The following ASCC1 variants were observed in gnomAD, a reference collection of about 807,000 sequenced individuals.
The protein encoded by ASCC1 is ASC-1 complex subunit P50.
A neutral mutation model predicts 46.6 loss-of-function variants in ASCC1; 35 were observed. The ratio of observed to expected loss-of-function variants is 0.75; its 90% CI spans 0.57 to 0.99. The LOEUF is 0.99. ASCC1 is among the 50% of genes least tolerant of loss of function. The probability of loss-of-function intolerance (pLI) is 0.00; values close to 1 mark genes in which losing one functional copy is unlikely to be tolerated. For synonymous variants in ASCC1, 143 were observed against 146.6 expected (o/e 0.98, Z 0.18); for missense variants, 376 against 428.7 (o/e 0.88, Z 1.09).
chr10:72,113,144 G>C lies in ASCC1; in HGVS notation c.957+14938C>G, dbSNP rs564268494. On this transcript the variant is annotated intron_variant, in intron 9 of 9. Transcript: ENST00000672957. ...GTAGCTTAGTGTTTTATATTTAGTA[G>C]GTATTCAATAAACATTACCAAATAT... 3.9e-5 allele frequency among the ~76,000 whole-genome samples: 6 copies of C among 152,188 alleles called. No individual in the cohort carries two copies. The East Asian group carries it at 7.7e-4, about 20-fold the overall frequency.
intron 9 of ASCC1, among the ~76,000 whole-genome samples, chr10:72,117,351 G>C (rs1037746811): frequency 1.5e-4 from 23 of 152,290 alleles, no homozygotes; most frequent in African/African-American, 5.3e-4. Flanking sequence ...CCTTCTTCCA[G>C]AGATTTCTGT....
chr10:72,130,222 AG>A (rs1367283091), intron 8 of ASCC1, among the ~76,000 whole-genome samples: 1 of 151,968 alleles, frequency 6.6e-6, no homozygotes, highest in East Asian at 1.9e-4. Flanking sequence ...GCAGAGTGAG[AG>A]GGGTAGGAAG....
At chr10:72,197,644 G>C (rs919409690) in intron 4 of ASCC1, among the ~76,000 whole-genome samples, 2 of 151,840 alleles carry the variant, frequency 1.3e-5, no homozygotes, top group Admixed American at 6.6e-5. Flanking sequence ...AGTGGCTCAC[G>C]CCTGTAATCC....
At chr10:72,184,748 T>C (rs1217089370) in intron 5 of ASCC1, among the ~76,000 whole-genome samples, 1 of 146,146 alleles carries the variant, frequency 6.8e-6, no homozygotes, top group Non-Finnish European at 1.5e-5. Flanking sequence ...TGAGCCAAGA[T>C]CACGGCACTT....
chr10:72,098,830 T>C (rs1374912581), intron 9 of ASCC1, among the ~76,000 whole-genome samples: 4 of 152,254 alleles, frequency 2.6e-5, no homozygotes, highest in Non-Finnish European at 2.9e-5. Flanking sequence ...CCTGCCTGCA[T>C]TGATTTACAC....
rs58270455 is a variant in ASCC1, at chr10:72,151,528, A to G, written c.746+1341T>C. Among the ~76,000 whole-genome samples the G allele has an allele frequency of 9.6e-3, 1,466 of 152,230 alleles. 20 individuals carry two copies. Among genetic ancestry groups the G allele is most frequent in the African/African-American group, 0.034 (1,394 of 41,508 alleles). ...GTTAATGGGTGCAGCAAACCAACACAGCACATGTATACATATGTAACAAAC... is the reference window on the plus strand; with the variant it reads ...GTTAATGGGTGCAGCAAACCAACACGGCACATGTATACATATGTAACAAAC... On this transcript the variant is annotated intron_variant, in intron 7 of 9. Transcript: ENST00000672957.
intron 5 of ASCC1, among the ~76,000 whole-genome samples, chr10:72,164,398 T>G (rs1329599984): frequency 6.6e-6 from 1 of 152,238 alleles, no homozygotes. Flanking sequence ...ATATAAGACC[T>G]CTGTGACCAG....
At chr10:72,153,059 G>C in intron 6 of ASCC1, 71 bp from the exon 7 acceptor site, 1 of 1,584,214 alleles carries the variant, frequency 6.3e-7, no homozygotes, top group South Asian at 1.1e-5. Context: ...TTGAAACATG[G>C]TTAATACACA....
chr10:72,188,307 T>C (rs1366044342), intron 5 of ASCC1, among the ~76,000 whole-genome samples: 1 of 151,500 alleles, frequency 6.6e-6, no homozygotes. Flanking sequence ...TTAGTAGAGA[T>C]GGGGTTTCAC....
intron 2 of ASCC1, 46 bp downstream of exon 2, chr10:72,213,141 A>G (rs1345385350): frequency 3.8e-6 from 5 of 1,327,866 alleles, no homozygotes; most frequent in Non-Finnish European, 5.4e-6. Flanking sequence ...CCTACAATAC[A>G]CAGGACATTT....
At chr10:72,121,238 G>C (rs967575544) in intron 9 of ASCC1, among the ~76,000 whole-genome samples, 1 of 152,222 alleles carries the variant, frequency 6.6e-6, no homozygotes, top group East Asian at 1.9e-4. Flanking sequence ...CAACCTCCCA[G>C]GCACAAGCGA....
At chr10:72,209,870 C>T (rs1857798762) in intron 3 of ASCC1, among the ~76,000 whole-genome samples, 1 of 152,122 alleles carries the variant, frequency 6.6e-6, no homozygotes, top group South Asian at 2.1e-4. Flanking sequence ...TGAAATGTAA[C>T]CCTCAGTGTT....
At chr10:72,144,752 A>G (rs1449206804) in intron 7 of ASCC1, among the ~76,000 whole-genome samples, 2 of 152,116 alleles carry the variant, frequency 1.3e-5, no homozygotes, top group Non-Finnish European at 2.9e-5. Flanking sequence ...TCAATTCTAG[A>G]ATTCCCCTTA....
rs144201286 is a variant in ASCC1, at chr10:72,148,499, CA to C, written c.746+4369del. Among the ~76,000 whole-genome samples the C allele has an allele frequency of 5.0e-3, 761 of 152,170 alleles. 3 individuals are homozygous for C. Among genetic ancestry groups the C allele is most frequent in the Non-Finnish European group, 8.4e-3 (570 of 68,000 alleles). On this transcript the variant is annotated intron_variant, in intron 7 of 9. Coordinates refer to ENST00000672957, the MANE Select transcript of ASCC1 (RefSeq NM_001198800.3). The stretch of plus-strand genomic sequence containing the variant: ...CAGACATTTTCTCAAAAGAGAAAAT[CA>C]AGGAAAATAACTATCAGTATTTGGT...
chr10:72,188,272 C>A (rs758462307), intron 5 of ASCC1, among the ~76,000 whole-genome samples: 2 of 151,822 alleles, frequency 1.3e-5, no homozygotes, highest in African/African-American at 4.8e-5. Flanking sequence ...GTGCACACCA[C>A]CACGCCCAGC....
At chr10:72,116,739 C>A (rs1199640097) in intron 9 of ASCC1, among the ~76,000 whole-genome samples, 1 of 152,122 alleles carries the variant, frequency 6.6e-6, no homozygotes, top group Non-Finnish European at 1.5e-5. Flanking sequence ...CTATTTGGTT[C>A]TTTTTCAGAA....
At chr10:72,203,215 G>A (rs537340024) in intron 4 of ASCC1, among the ~76,000 whole-genome samples, 160 of 150,406 alleles carry the variant, frequency 1.1e-3, no homozygotes, top group African/African-American at 3.7e-3. Flanking sequence ...GATTCCGGGA[G>A]GCGGAGGTTG....
intron 5 of ASCC1, among the ~76,000 whole-genome samples, chr10:72,165,110 GA>G (rs1850175439): frequency 6.8e-6 from 1 of 146,420 alleles, no homozygotes; most frequent in African/African-American, 2.8e-5. Flanking sequence ...AAAAAAAGTT[GA>G]AACTCTTTTT....
At chr10:72,197,051 C>A (rs956699982) in intron 4 of ASCC1, 62 bp from the exon 5 acceptor site, 1 of 1,529,600 alleles carries the variant, frequency 6.5e-7, no homozygotes, top group African/African-American at 1.4e-5. Context: ...AAAACAGGAC[C>A]TCTTGATACT....
Sources: gnomAD v4.1 joint callset for allele counts (sites outside exome capture counted in the v4.1 genomes callset) on GRCh38, gnomAD v4.1.1 for gene constraint, MANE v1.5 for transcripts, NCBI Gene and HGNC (gene_info 2026-07-23, HGNC 2026-07-21) for gene names.